ACAP3: variants seen among roughly 807,000 people sequenced by gnomAD.
ACAP3 encodes the protein ArfGAP with coiled-coil, ankyrin repeat and PH domains 3.
Under a neutral mutation model 104.1 loss-of-function variants are expected in ACAP3, and 56 were observed. The observed-to-expected ratio is 0.54, with a 90% CI of 0.43 to 0.67. ACAP3 has a LOEUF of 0.67. Ranked by LOEUF, ACAP3 falls within the 30% of genes least tolerant of loss-of-function variation. ACAP3 has a pLI of 0.00. For synonymous variants in ACAP3, 628 were observed against 496.2 expected, an observed-to-expected ratio of 1.27 and a Z score of -3.53; for missense variants, 1,208 against 1,174.9, an observed-to-expected ratio of 1.03 and a Z score of -0.41.
chr1:1,307,342 G>A (rs895480504), intron 1 of ACAP3: 2 of 1,289,724 alleles, frequency 1.6e-6, no homozygotes, highest in Non-Finnish European at 2.0e-6. Context: ...CCTACCCCAG[G>A]CCTTAAACGC....
Position 1,293,594 on chromosome 1 carries a change from C to A in ACAP3, c.2475G>T (p.Glu825Asp). Residue 825 changes from glutamate to aspartate, a missense_variant, in exon 24 of 24, where the codon GAG (glutamate) becomes GAT (aspartate). Glu to Asp is a conservative substitution (Grantham distance 45). Transcript: ENST00000354700. ...TELQFRRCIQEFISLHLEES is the reference protein window; with the variant it reads ...TELQFRRCIQDFISLHLEES ...TCTCTTCCAGGTGGAGGCTGATGAA[C>A]TCCTGGATACACCTGCGGAACTGGA... The A allele has an allele frequency of 6.7e-7, 1 of 1,487,222 alleles. No individual in the cohort carries two copies. The allele number at this position is 1,487,222 out of a possible 1,614,324, so 92.1% of individuals were successfully genotyped here. A position where few individuals can be genotyped will look rare whatever the true frequency, so the allele number is the denominator to read the frequency against.
chr1:1,294,134 C>T lies in ACAP3; in HGVS notation c.2205G>A (p.Arg735=), dbSNP rs867793222. Residue 735 remains arginine, a synonymous_variant, in exon 22 of 24, where the codon CGG becomes CGA. Coordinates refer to ENST00000354700, the MANE Select transcript of ACAP3 (RefSeq NM_030649.3). ...NGADVNQRDS[R]GRAPLHHATL... ...TGGCGTGGTGCAGGGGCGCCCGGCC[C>T]CGGCTGTCTCTTTGGTTCACGTCCG... The T allele has an allele frequency of 1.3e-6, 2 of 1,593,616 alleles. No individual in the cohort carries two copies. The highest frequency in any genetic ancestry group is 1.7e-5 in the Admixed American group (1 of 57,666).
chr1:1,299,325 C>T lies in ACAP3; in HGVS notation c.750+20G>A. 6.3e-7 allele frequency: 1 copy of T among 1,596,502 alleles called. No individual in the cohort carries two copies. The highest frequency in any genetic ancestry group is 8.5e-7 in the Non-Finnish European group (1 of 1,171,838). On this transcript the variant is annotated intron_variant, in intron 10 of 23. Transcript: ENST00000354700. ...GGTCTCCCCCGACCCACAGCCCGCC[C>T]AGGGCCCGTGCTCACTTACCTGCAG...
chr1:1,303,998 G>C lies in ACAP3; in HGVS notation c.105+88C>G. ...CATGCTCCACATATGGGGGGTGTAA[G>C]TGGCTTAGTAAGGCCTGGAGGGCGA... is the stretch of plus-strand genomic sequence containing the variant. On this transcript the variant is annotated intron_variant, in intron 2 of 23. Transcript: ENST00000354700. This position sits in a 1 kb window ranked among gnomAD's most constrained non-coding sequence, Gnocchi z 4.0. 2 of 1,489,852 alleles carry C rather than the reference G, an allele frequency of 1.3e-6. No individual in the cohort carries two copies. Among genetic ancestry groups the C allele is most frequent in the Non-Finnish European group, 1.8e-6 (2 of 1,097,434 alleles). 92.3% of individuals were successfully genotyped at this position (1,489,852 alleles called of 1,614,324 possible). A position where few individuals can be genotyped will look rare whatever the true frequency, so the allele number is the denominator to read the frequency against.
chr1:1,302,341 C>T (rs998959191), intron 4 of ACAP3, among the ~76,000 whole-genome samples: 1 of 152,170 alleles, frequency 6.6e-6, no homozygotes, highest in African/African-American at 2.4e-5. Flanking sequence ...TGGCCCTGGG[C>T]GGCCACCCTG....
intron 1 of ACAP3, among the ~76,000 whole-genome samples, chr1:1,306,848 C>G (rs1641735713): frequency 6.6e-6 from 1 of 152,210 alleles, no homozygotes; most frequent in Non-Finnish European, 1.5e-5. Context: ...GCTGACATGG[C>G]TAACACAGTA....
intron 19 of ACAP3, chr1:1,295,147 A>G (rs995346916): frequency 1.9e-6 from 1 of 538,932 alleles, no homozygotes; most frequent in Non-Finnish European, 3.3e-6. Flanking sequence ...CACCCAACCA[A>G]CGGGCAGCAT....
chr1:1,303,215 C>G lies in ACAP3; in HGVS notation c.172G>C (p.Val58Leu). The G allele has an allele frequency of 6.2e-7, 1 of 1,607,538 alleles. No homozygotes were observed. The highest frequency in any genetic ancestry group is 1.1e-5 in the South Asian group (1 of 89,810). ...KAYVSTSRLF[V>L]SGVRDLSQQC... Reference sequence around the variant, plus strand: ...TGGGACAGGTCGCGGACGCCGCTCACGAAAAGCCTGCTGGTGCTGACGTAG... The same window carrying G: ...TGGGACAGGTCGCGGACGCCGCTCAGGAAAAGCCTGCTGGTGCTGACGTAG... The change falls in exon 3 of 24, where the codon GTG (valine) becomes CTG (leucine). Residue 58 changes from valine (V) to leucine (L), a missense_variant. Physicochemically the swap from Val to Leu is conservative, Grantham distance 32 (BLOSUM62 1). Coordinates refer to ENST00000354700, the MANE Select transcript of ACAP3 (RefSeq NM_030649.3). The surrounding 1 kb of genome is among the most constrained non-coding windows in gnomAD (Gnocchi z 4.0).
chr1:1,303,338 C>T lies in ACAP3; in HGVS notation c.106-57G>A. ...GGGCACTGGCGCCTGCACTCGCCAC[C>T]ACACACGGCCACTCAGAGGCAGGAA... is the stretch of plus-strand genomic sequence containing the variant. On this transcript the variant is annotated intron_variant, in intron 2 of 23. Transcript: ENST00000354700. The surrounding 1 kb of genome is among the most constrained non-coding windows in gnomAD (Gnocchi z 4.0). 6.5e-7 allele frequency: 1 copy of T among 1,537,886 alleles called. No individual in the cohort carries two copies.
rs760909434 is a variant in ACAP3, at chr1:1,303,256, A to G, written c.131T>C (p.Val44Ala). The G allele has an allele frequency of 6.3e-7, 1 of 1,597,748 alleles. No individual in the cohort carries two copies. The highest frequency in any genetic ancestry group is 8.5e-7 in the Non-Finnish European group (1 of 1,173,280). ...DKLVKLCSGM[V>A]EAGKAYVSTS... is the part of the protein sequence containing the mutation. ...GCTGACGTAGGCCTTACCGGCTTCCACCATGCCACTGCACAGCTTCACCAG... is the reference window on the plus strand; with the variant it reads ...GCTGACGTAGGCCTTACCGGCTTCCGCCATGCCACTGCACAGCTTCACCAG... Residue 44 changes from valine (V) to alanine (A), a missense_variant, in exon 3 of 24, where the codon GTG becomes GCG. Transcript: ENST00000354700. The surrounding 1 kb of genome is among the most constrained non-coding windows in gnomAD (Gnocchi z 4.0).
At position 1,295,863 on chromosome 1, in the gene ACAP3, G is replaced by C; in HGVS notation, c.1578C>G (p.Ala526=). 2 of 1,611,878 alleles carry C rather than the reference G, an allele frequency of 1.2e-6. No homozygotes were observed. Among genetic ancestry groups the C allele is most frequent in the Non-Finnish European group, 1.7e-6 (2 of 1,179,984 alleles). ...CCCTCCAGCGTCTTGGGGCCTCCAG[G>C]GCTGGTGCCATGGGCGCCTTCCGCA... ...KFLRKAPMAP[A]LEAPRRWRVQ... Residue 526 remains alanine (A), a synonymous_variant, in exon 18 of 24, where the codon GCC becomes GCG. Transcript: ENST00000354700.
Position 1,303,495 on chromosome 1 carries a change from C to G in ACAP3, c.106-214G>C, listed in dbSNP as rs765166316. The G allele has an allele frequency of 1.5e-6, 1 of 677,800 alleles. No homozygotes were observed. 42.0% of individuals were successfully genotyped at this position (677,800 alleles called of 1,614,324 possible). On this transcript the variant is annotated intron_variant, in intron 2 of 23. Transcript: ENST00000354700. The surrounding 1 kb of genome is among the most constrained non-coding windows in gnomAD (Gnocchi z 4.0). ...AGGGGAGGGTGGGGCCGCCACGGCT[C>G]GGCTGGGAGGGACCAGGAGCCAGGC...
chr1:1,294,005 C>T lies in ACAP3; in HGVS notation c.2250-72G>A, dbSNP rs1640985726. On this transcript the variant is annotated intron_variant, in intron 22 of 23. Transcript: ENST00000354700. ...GCGAGTGTGGTCGCGGGGGCGTGGC[C>T]GGATAGGGCATGGCGGACAGGGCGT... 5 of 1,467,556 alleles carry T rather than the reference C, an allele frequency of 3.4e-6. No homozygotes were observed. In the East Asian group the frequency reaches 1.1e-4, roughly 32 times the overall value. 90.9% of individuals were successfully genotyped at this position (1,467,556 alleles called of 1,614,324 possible).
chr1:1,295,381 A>C, intron 19 of ACAP3, 66 bp downstream of exon 19: 1 of 1,465,820 alleles, frequency 6.8e-7, no homozygotes, highest in Non-Finnish European at 9.5e-7. Context: ...ATCCACACTC[A>C]GGCACCCTTC....
At chr1:1,298,189 G>C in intron 12 of ACAP3, 76 bp from the exon 13 acceptor site, 1 of 1,562,108 alleles carries the variant, frequency 6.4e-7, no homozygotes, top group Non-Finnish European at 8.7e-7. Context: ...CTTCACCTTG[G>C]AGACCCGGAG....
chr1:1,301,791 C>T, intron 5 of ACAP3, 197 bp downstream of exon 5: 1 of 443,594 alleles, frequency 2.3e-6, no homozygotes, highest in Non-Finnish European at 4.0e-6. Flanking sequence ...GGGCTGGACA[C>T]CCCACCCACA....
At chr1:1,301,015 C>T (rs577688939) in intron 5 of ACAP3, among the ~76,000 whole-genome samples, 2 of 152,190 alleles carry the variant, frequency 1.3e-5, no homozygotes, top group South Asian at 4.1e-4. Flanking sequence ...GATTCACCCA[C>T]CTCGGTCTCC....
intron 1 of ACAP3, chr1:1,306,044 C>G (rs977185594): frequency 6.6e-6 from 1 of 152,334 alleles, no homozygotes; most frequent in Admixed American, 6.5e-5. Context: ...CCCTCGAACC[C>G]CAGTTAAATC....
chr1:1,295,539 C>T lies in ACAP3; in HGVS notation c.1721G>A (p.Arg574His), dbSNP rs373378336. 43 of 1,612,458 alleles carry T rather than the reference C, an allele frequency of 2.7e-5. No homozygotes were observed. The highest frequency in any genetic ancestry group is 1.6e-4 in the Middle Eastern group (1 of 6,082). ...AALSSVGTLD[R>H]KFRRDSLFCP... ...GAAGAGGGAGTCTCGGCGGAACTTA[C>T]GATCCAGGGTGCCCACTGCAGGGGC... The change falls in exon 19 of 24, where the codon CGT (arginine) becomes CAT (histidine). Residue 574 changes from arginine (R) to histidine (H), a missense_variant. Coordinates refer to ENST00000354700, the MANE Select transcript of ACAP3 (RefSeq NM_030649.3).
Sources: allele counts gnomAD v4.1 joint callset (sites outside exome capture counted in the v4.1 genomes callset), GRCh38; gene constraint gnomAD v4.1.1; non-coding constraint Gnocchi (gnomAD v3.1); transcripts MANE v1.5; gene names NCBI Gene and HGNC (gene_info 2026-07-23, HGNC 2026-07-21).